GPC6: variants seen among roughly 807,000 people sequenced by gnomAD.
The protein encoded by GPC6 is glypican-6.
Under a neutral mutation model 55.2 loss-of-function variants are expected in GPC6, and 14 were observed. That is an observed-to-expected ratio of 0.25 (90% CI 0.17 to 0.40). GPC6 has a LOEUF of 0.40. Ranked by LOEUF, GPC6 falls within the 10% of genes least tolerant of loss-of-function variation. The pLI, the probability that GPC6 is intolerant of heterozygous loss-of-function variation, is 1.00. For synonymous variants in GPC6, 278 were observed against 259.6 expected, an observed-to-expected ratio of 1.07 and a Z score of -0.68; for missense variants, 641 against 708.5, an observed-to-expected ratio of 0.90 and a Z score of 1.08.
At chr13:93,368,888 C>G (rs1332949051) in intron 1 of GPC6, among the ~76,000 whole-genome samples, 1 of 152,060 alleles carries the variant, frequency 6.6e-6, no homozygotes, top group East Asian at 1.9e-4. Context: ...GACTGTTTCC[C>G]AGTTCCCCAG....
chr13:93,458,955 C>A (rs1370751827), intron 1 of GPC6, among the ~76,000 whole-genome samples: 1 of 152,146 alleles, frequency 6.6e-6, no homozygotes, highest in African/African-American at 2.4e-5. Flanking sequence ...TGATTCTTTC[C>A]TAAATTACCT....
At chr13:94,034,451 A>C (rs141587205) in intron 4 of GPC6, among the ~76,000 whole-genome samples, 53 of 152,264 alleles carry the variant, frequency 3.5e-4, no homozygotes, top group African/African-American at 1.2e-3. Context: ...GGCATTTCTT[A>C]ACCTCTGAAC....
intron 1 of GPC6, among the ~76,000 whole-genome samples, chr13:93,419,282 A>G (rs755552629): frequency 4.0e-5 from 6 of 151,856 alleles, no homozygotes; most frequent in Non-Finnish European, 7.4e-5. Flanking sequence ...CACCAAATTT[A>G]AAAGGATGGA....
intron 5 of GPC6, among the ~76,000 whole-genome samples, chr13:94,301,314 C>T (rs763046348): frequency 1.3e-5 from 2 of 152,130 alleles, no homozygotes; most frequent in Non-Finnish European, 2.9e-5. Flanking sequence ...AGAGGATAGC[C>T]TGAGCCCAGG....
intron 4 of GPC6, among the ~76,000 whole-genome samples, chr13:94,121,885 G>A (rs1470998493): frequency 1.3e-5 from 2 of 152,026 alleles, no homozygotes; most frequent in South Asian, 2.1e-4. Context: ...GGGCTACTGT[G>A]CTCCTCCTAC....
chr13:93,887,261 G>T (rs563964825), intron 3 of GPC6, among the ~76,000 whole-genome samples: 5 of 151,928 alleles, frequency 3.3e-5, no homozygotes, highest in African/African-American at 1.2e-4. Context: ...AAAGTAAAAG[G>T]GAACAATAAT....
intron 1 of GPC6, among the ~76,000 whole-genome samples, chr13:93,515,992 G>GAAT (rs1479186660): frequency 6.6e-6 from 1 of 152,062 alleles, no homozygotes; most frequent in African/African-American, 2.4e-5. Context: ...AATTCCCAAG[G>GAAT]TATTTTTTTA....
intron 3 of GPC6, among the ~76,000 whole-genome samples, chr13:93,966,347 G>A (rs1168572337): frequency 1.3e-5 from 2 of 152,210 alleles, no homozygotes; most frequent in African/African-American, 2.4e-5. Context: ...ATATAAAAGA[G>A]TGAGCCAAGG....
chr13:94,165,279 T>G (rs1178300081), intron 4 of GPC6, among the ~76,000 whole-genome samples: 12 of 148,526 alleles, frequency 8.1e-5, no homozygotes, highest in African/African-American at 2.7e-4. Context: ...TATACACATA[T>G]ATATATATAT....
chr13:94,084,368 C>T (rs1885210302), intron 4 of GPC6, among the ~76,000 whole-genome samples: 1 of 151,976 alleles, frequency 6.6e-6, no homozygotes, highest in African/African-American at 2.4e-5. Context: ...AGTAATGCAA[C>T]TTCATTATAT....
chr13:94,080,836 A>G (rs1035610374), intron 4 of GPC6, among the ~76,000 whole-genome samples: 5 of 152,250 alleles, frequency 3.3e-5, no homozygotes, highest in East Asian at 3.9e-4. Context: ...TCCAACCACA[A>G]TCATATTGGT....
At chr13:93,308,745 A>G (rs41465452) in intron 1 of GPC6, among the ~76,000 whole-genome samples, 3,353 of 152,334 alleles carry the variant, frequency 0.022, 100 homozygotes, top group African/African-American at 0.076. Flanking sequence ...CTGGGCTGTC[A>G]TGGGTAATTT....
At chr13:93,571,247 A>C (rs890166320) in intron 2 of GPC6, among the ~76,000 whole-genome samples, 1 of 152,124 alleles carries the variant, frequency 6.6e-6, no homozygotes, top group Non-Finnish European at 1.5e-5. Context: ...ACAGGCATAC[A>C]TGTACACGTG....
chr13:93,833,636 G>GAATA (rs1404957832), intron 3 of GPC6, among the ~76,000 whole-genome samples: 2 of 151,874 alleles, frequency 1.3e-5, no homozygotes. Flanking sequence ...AAGACATCAT[G>GAATA]AATATCTTCT....
chr13:93,665,543 G>T (rs1881096968), intron 2 of GPC6, among the ~76,000 whole-genome samples: 1 of 152,052 alleles, frequency 6.6e-6, no homozygotes, highest in African/African-American at 2.4e-5. Flanking sequence ...ATTTCTTAGT[G>T]TTTATATTGT....
chr13:93,466,676 C>T (rs2139321990), intron 1 of GPC6, among the ~76,000 whole-genome samples: 1 of 152,160 alleles, frequency 6.6e-6, no homozygotes, highest in African/African-American at 2.4e-5. Flanking sequence ...GGACAGGGTC[C>T]TTGTTTCTCA....
chr13:94,061,049 T>G (rs949424715), intron 4 of GPC6, among the ~76,000 whole-genome samples: 1 of 152,232 alleles, frequency 6.6e-6, no homozygotes, highest in Non-Finnish European at 1.5e-5. Flanking sequence ...TATCTTTTTA[T>G]TTGCTTTTAC....
chr13:93,736,337 T>C (rs1178245351), intron 2 of GPC6, among the ~76,000 whole-genome samples: 1 of 152,218 alleles, frequency 6.6e-6, no homozygotes, highest in Non-Finnish European at 1.5e-5. Flanking sequence ...CACACTGACA[T>C]CCATGAACTA....
chr13:93,570,966 T>G (rs2139474284), intron 2 of GPC6, among the ~76,000 whole-genome samples: 1 of 152,276 alleles, frequency 6.6e-6, no homozygotes, highest in African/African-American at 2.4e-5. Context: ...AGTCCTGATG[T>G]TGGTCTCCAG....
Sources: gnomAD v4.1 joint callset for allele counts (sites outside exome capture counted in the v4.1 genomes callset) on GRCh38, gnomAD v4.1.1 for gene constraint, MANE v1.5 for transcripts, NCBI Gene and HGNC (gene_info 2026-07-23, HGNC 2026-07-21) for gene names.